NDST3: variants seen among roughly 807,000 people sequenced by gnomAD.
NDST3 encodes bifunctional heparan sulfate N-deacetylase/N-sulfotransferase 3.
NDST3 carries 58 observed loss-of-function variants against 96.1 expected under a neutral mutation model. That is an observed-to-expected ratio of 0.60 (90% confidence interval 0.49 to 0.75). NDST3 has a LOEUF of 0.75. Ranked by LOEUF, NDST3 falls within the 30% of genes least tolerant of loss-of-function variation. NDST3 has a pLI of 0.00. For synonymous variants in NDST3, 333 were observed against 359.7 expected (o/e 0.93, Z 0.84); for missense variants, 788 against 1,034.2 (o/e 0.76, Z 3.27).
At chr4:118,226,388 T>A (rs1446272291) in intron 7 of NDST3, among the ~76,000 whole-genome samples, 1 of 152,194 alleles carries the variant, frequency 6.6e-6, no homozygotes, top group Non-Finnish European at 1.5e-5. Flanking sequence ...TTTATCAACC[T>A]TTGACGGCAG....
chr4:118,161,167 G>A lies in NDST3; in HGVS notation c.1539+17483G>A, dbSNP rs561438237. Among the ~76,000 whole-genome samples the A allele has an allele frequency of 3.8e-3, 581 of 152,310 alleles. 1 individual carries two copies. Among genetic ancestry groups the A allele is most frequent in the Non-Finnish European group, 6.2e-3 (422 of 68,036 alleles). ...CCCTGTTTGCCTGCGTATCCACAGC[G>A]GCAGCTGCAGAACAGCAGATTTTCG... On this transcript the variant is annotated intron_variant, in intron 6 of 13. Coordinates refer to ENST00000296499, the MANE Select transcript of NDST3 (RefSeq NM_004784.3).
chr4:118,246,881 A>C (rs1017842809), intron 12 of NDST3, among the ~76,000 whole-genome samples: 4 of 152,192 alleles, frequency 2.6e-5, no homozygotes, highest in African/African-American at 9.7e-5. Flanking sequence ...ATCCAAGGTG[A>C]GATTTGGTGC....
intron 6 of NDST3, among the ~76,000 whole-genome samples, chr4:118,202,434 A>C (rs1050054118): frequency 6.6e-6 from 1 of 152,118 alleles, no homozygotes; most frequent in African/African-American, 2.4e-5. Flanking sequence ...TACGAAACTG[A>C]TTCTTCCAAT....
chr4:118,246,935 G>A (rs1253018658), intron 12 of NDST3, among the ~76,000 whole-genome samples: 1 of 152,144 alleles, frequency 6.6e-6, no homozygotes, highest in Non-Finnish European at 1.5e-5. Context: ...CAAATATGTG[G>A]AGAAACTAGA....
intron 12 of NDST3, among the ~76,000 whole-genome samples, chr4:118,248,458 T>G (rs1435057822): frequency 1.3e-5 from 2 of 152,344 alleles, no homozygotes; most frequent in Middle Eastern, 3.4e-3. Context: ...CCAGATGATA[T>G]TCCACACAAG....
intron 2 of NDST3, among the ~76,000 whole-genome samples, chr4:118,084,299 T>C (rs1728247733): frequency 6.6e-6 from 1 of 152,204 alleles, no homozygotes; most frequent in Admixed American, 6.5e-5. Flanking sequence ...CATTTTACTA[T>C]CTATATGTAT....
intron 4 of NDST3, among the ~76,000 whole-genome samples, chr4:118,136,991 C>T (rs1247311408): frequency 6.6e-6 from 1 of 152,168 alleles, no homozygotes; most frequent in African/African-American, 2.4e-5. Flanking sequence ...TGCATTCAGG[C>T]ACTTCATATA....
In NDST3 at chr4:118,131,193, A is replaced by C. The variant is rs374086480; in HGVS notation, c.1225-6861A>C. ...GTTTCTCTACTTCTTCTTTAAAACCAATATCTCTGAGATTTGCCCTTTGGA... is the reference window on the plus strand; with the variant it reads ...GTTTCTCTACTTCTTCTTTAAAACCCATATCTCTGAGATTTGCCCTTTGGA... On this transcript the variant is annotated intron_variant, in intron 4 of 13. Transcript: ENST00000296499. 6.6e-5 allele frequency among the ~76,000 whole-genome samples: 10 copies of C among 152,228 alleles called. No homozygotes were observed. In the East Asian group the frequency reaches 1.7e-3, roughly 26 times the overall value.
chr4:118,134,483 C>T (rs193170027), intron 4 of NDST3, among the ~76,000 whole-genome samples: 54 of 152,128 alleles, frequency 3.5e-4, no homozygotes, highest in African/African-American at 1.3e-3. Context: ...ATGGTAGATT[C>T]GACTAGGGTG....
chr4:118,091,249 T>G (rs900550043), intron 2 of NDST3, among the ~76,000 whole-genome samples: 10 of 151,582 alleles, frequency 6.6e-5, no homozygotes, highest in African/African-American at 2.4e-4. Context: ...AGCACACAAT[T>G]TACCCATGTA....
At chr4:118,067,758 G>T (rs1726711425) in intron 2 of NDST3, among the ~76,000 whole-genome samples, 1 of 151,942 alleles carries the variant, frequency 6.6e-6, no homozygotes, top group Non-Finnish European at 1.5e-5. Flanking sequence ...CAGTGTGGAG[G>T]GTGGGGGTGA....
intron 6 of NDST3, chr4:118,193,649 T>A (rs1737466357): frequency 2.3e-6 from 3 of 1,298,702 alleles, no homozygotes; most frequent in Non-Finnish European, 3.3e-6. Flanking sequence ...CTGCAAGACC[T>A]TCTGGAAGTC....
At position 118,054,719 on chromosome 4, in the gene NDST3, T is replaced by C; in HGVS notation, c.809T>C (p.Val270Ala). ...DLGLHDGIQR[V>A]LFGNNLNFWL... The stretch of plus-strand genomic sequence containing the variant: ...GGGCTTCATGATGGAATTCAAAGGG[T>C]TCTTTTTGGCAACAACTTGAACTTT... Residue 270 changes from valine to alanine, a missense_variant, in exon 2 of 14, where the codon GTT (valine) becomes GCT (alanine). Around this residue, in one of 3 missense-constraint regions of NDST3, gnomAD observed 490 missense variants for 708.8 expected, o/e 0.69. Coordinates refer to ENST00000296499, the MANE Select transcript of NDST3 (RefSeq NM_004784.3). 1 of 1,613,380 alleles carries C rather than the reference T, an allele frequency of 6.2e-7. No individual in the cohort carries two copies. Among genetic ancestry groups the C allele is most frequent in the Non-Finnish European group, 8.5e-7 (1 of 1,179,514 alleles).
chr4:118,147,327 A>G (rs1316351915), intron 6 of NDST3, among the ~76,000 whole-genome samples: 1 of 152,172 alleles, frequency 6.6e-6, no homozygotes, highest in East Asian at 1.9e-4. Flanking sequence ...CTCATGATAT[A>G]CCATGGGAGA....
At chr4:118,248,544 C>T (rs1278641585) in intron 12 of NDST3, among the ~76,000 whole-genome samples, 1 of 152,164 alleles carries the variant, frequency 6.6e-6, no homozygotes, top group Admixed American at 6.5e-5. Flanking sequence ...ATGTGCATGA[C>T]TCTGGAGACA....
chr4:118,220,120 G>A (rs1321941635), intron 6 of NDST3, among the ~76,000 whole-genome samples: 1 of 152,072 alleles, frequency 6.6e-6, no homozygotes, highest in African/African-American at 2.4e-5. Context: ...ATACCCACAG[G>A]AGTATAAATC....
At chr4:118,146,996 A>C (rs1174922195) in intron 6 of NDST3, among the ~76,000 whole-genome samples, 1 of 152,248 alleles carries the variant, frequency 6.6e-6, no homozygotes, top group Admixed American at 6.5e-5. Context: ...CTCTGGGACA[A>C]TAATTTGCAA....
intron 6 of NDST3, among the ~76,000 whole-genome samples, chr4:118,205,832 CTTTTTT>C (rs56843725): frequency 1.0e-5 from 1 of 95,474 alleles, no homozygotes; most frequent in Non-Finnish European, 2.4e-5. Context: ...ATCGGGCTTT[CTTTTTT>C]TTTTTTTTTT....
chr4:118,036,973 G>A (rs1435656344), intron 1 of NDST3, among the ~76,000 whole-genome samples: 1 of 149,928 alleles, frequency 6.7e-6, no homozygotes. Flanking sequence ...CATTTTACAT[G>A]TGTTTCATTG....
Sources: gnomAD v4.1 joint callset for allele counts (sites outside exome capture counted in the v4.1 genomes callset) on GRCh38, gnomAD v4.1.1 for gene constraint, gnomAD v4.1.1 regional missense constraint, MANE v1.5 for transcripts, NCBI Gene and HGNC (gene_info 2026-07-23, HGNC 2026-07-21) for gene names.